Variants in CFAP47 observed in about 807,000 individuals in gnomAD.
CFAP47 encodes the protein cilia- and flagella-associated protein 47.
CFAP47 carries 29 observed loss-of-function variants against 148.1 expected under a neutral mutation model. The observed-to-expected ratio is 0.20, with a 90% CI of 0.15 to 0.27. CFAP47 has a LOEUF of 0.27. Ranked by LOEUF, CFAP47 falls within the 10% of genes least tolerant of loss-of-function variation. The probability of loss-of-function intolerance (pLI) is 1.00; values close to 1 mark genes in which losing one functional copy is unlikely to be tolerated. For synonymous variants in CFAP47, 664 were observed against 577.3 expected (o/e 1.15, Z -2.15); for missense variants, 1,872 against 1,697.5 (o/e 1.10, Z -1.81).
rs1940636741 is a variant in CFAP47, at chrX:36,247,877, A to G, written c.7333-3456A>G. Among the ~76,000 whole-genome samples the G allele has an allele frequency of 2.7e-5, 3 of 111,132 alleles. No homozygotes were observed. In the South Asian group the frequency reaches 1.1e-3, roughly 41 times the overall value. On this transcript the variant is annotated intron_variant, in intron 48 of 63. Coordinates refer to ENST00000378653, the MANE Select transcript of CFAP47 (RefSeq NM_001304548.2). ...AATTGGAAGAATGTATTTTTAAAGA[A>G]AAGTTCAACTTTAGGCTGCTTATAT...
chrX:36,351,290 A>T (rs1941741077), intron 59 of CFAP47, among the ~76,000 whole-genome samples: 1 of 112,121 alleles, frequency 8.9e-6, no homozygotes, highest in Non-Finnish European at 1.9e-5. Flanking sequence ...ACACATAGAT[A>T]AATATTTTAA....
chrX:35,992,538 A>G (rs1036462180), intron 17 of CFAP47, among the ~76,000 whole-genome samples: 1 of 111,436 alleles, frequency 9.0e-6, no homozygotes, highest in African/African-American at 3.3e-5. Context: ...AAAAATGAGG[A>G]TGATCTTTTC....
At chrX:36,085,185 G>A (rs926389225) in intron 29 of CFAP47, 129 bp from the exon 30 acceptor site, 34 of 433,520 alleles carry the variant, frequency 7.8e-5, no homozygotes, top group African/African-American at 6.5e-4. Context: ...CTAGTGAAGT[G>A]TATTATGGAG....
chrX:36,236,821 A>C lies in CFAP47; in HGVS notation c.7294A>C (p.Thr2432Pro), dbSNP rs1555994772. 4.1e-6 allele frequency: 2 copies of C among 492,575 alleles called. No homozygotes were observed. Among genetic ancestry groups the C allele is most frequent in the Admixed American group, 3.1e-5 (1 of 32,483 alleles). The allele number at this position is 492,575 out of a possible 1,213,427, so 40.6% of individuals were successfully genotyped here. A position where few individuals can be genotyped will look rare whatever the true frequency, so the allele number is the denominator to read the frequency against. Residue 2432 changes from threonine (T) to proline (P), a missense_variant, in exon 48 of 64, where the codon ACA (threonine) becomes CCA (proline). Transcript: ENST00000378653. The part of the protein sequence containing the change: ...QVGNVTQKHI[T>P]LPHFTNTALT... ...GGGGAATGTGACACAAAAGCATATA[A>C]CATTGCCTCATTTCACAAATACTGC...
chrX:36,219,479 G>T (rs782111171), intron 45 of CFAP47, among the ~76,000 whole-genome samples: 8 of 111,202 alleles, frequency 7.2e-5, no homozygotes, highest in South Asian at 7.7e-4. Flanking sequence ...ACTTGCCTAA[G>T]TGGTTGGGGT....
At chrX:36,044,902 G>A (rs1937447070) in intron 25 of CFAP47, among the ~76,000 whole-genome samples, 1 of 112,109 alleles carries the variant, frequency 8.9e-6, no homozygotes, top group South Asian at 3.7e-4. Flanking sequence ...TTGGCATGTA[G>A]AAATGCTACT....
chrX:35,924,254 G>GACATGTATGTGT (rs765496066), intron 1 of CFAP47, among the ~76,000 whole-genome samples: 3 of 78,254 alleles, frequency 3.8e-5, no homozygotes, highest in Non-Finnish European at 6.5e-5. Flanking sequence ...TGTGCATATG[G>GACATGTATGTGT]ACATGTATGT....
rs966909468 is a variant in CFAP47 at position 36,138,712 on chromosome X, AC to A, written c.5535+252del. The stretch of plus-strand genomic sequence containing the variant: ...AGTACTTCCAGTCCAAGTGCCTGAA[AC>A]CCCAAAAATAAACATTGAGTGAATT... On this transcript the variant is annotated intron_variant, in intron 35 of 63. Transcript: ENST00000378653. Among the ~76,000 whole-genome samples, 4 of 111,059 alleles carry A rather than the reference AC, an allele frequency of 3.6e-5. No homozygotes were observed. The Admixed American group carries it at 3.9e-4, about 11-fold the overall frequency.
chrX:35,959,739 G>A (rs762666844), intron 8 of CFAP47, among the ~76,000 whole-genome samples: 21 of 108,474 alleles, frequency 1.9e-4, no homozygotes, highest in Non-Finnish European at 3.3e-4. Flanking sequence ...CCCAGGAGGC[G>A]GAGGTTGCGC....
intron 45 of CFAP47, among the ~76,000 whole-genome samples, chrX:36,216,597 A>C (rs1299119025): frequency 2.7e-5 from 3 of 112,108 alleles, no homozygotes; most frequent in African/African-American, 9.7e-5. Flanking sequence ...GGGAGACTCG[A>C]GTTTTATTAT....
In CFAP47 at chrX:36,338,035, ATTTTTTTTTTTTTT is replaced by A. The variant is rs1209274928; in HGVS notation, c.8444-10082_8444-10069del. Among the ~76,000 whole-genome samples the A allele has an allele frequency of 3.0e-4, 14 of 46,569 alleles. No homozygotes were observed. In the South Asian group the frequency reaches 0.014, roughly 46 times the overall value. 40.4% of individuals were successfully genotyped at this position (46,569 alleles called of 115,157 possible). ...CAGGCGCCCGCCACTACGCCTGGCT[ATTTTTTTTTTTTTT>A]TTTTTTTTTTTGTATTTCTAGTAGA... is the stretch of plus-strand genomic sequence containing the variant. On this transcript the variant is annotated intron_variant, in intron 57 of 63. Transcript: ENST00000378653.
intron 33 of CFAP47, among the ~76,000 whole-genome samples, chrX:36,127,733 T>A (rs190008218): frequency 1.7e-4 from 19 of 111,602 alleles, no homozygotes; most frequent in African/African-American, 5.5e-4. Flanking sequence ...AAGCATGGAA[T>A]GTTTTTCCAT....
At chrX:36,128,271 GTTA>G (rs1938881322) in intron 33 of CFAP47, among the ~76,000 whole-genome samples, 1 of 110,786 alleles carries the variant, frequency 9.0e-6, no homozygotes, top group Non-Finnish European at 1.9e-5. Flanking sequence ...AAATTTGGGG[GTTA>G]TTATTTTTCT....
At chrX:36,332,986 T>TA (rs1941576631) in intron 57 of CFAP47, among the ~76,000 whole-genome samples, 1 of 111,991 alleles carries the variant, frequency 8.9e-6, no homozygotes, top group South Asian at 3.7e-4. Context: ...CAGCAATCTT[T>TA]ATATGTAATG....
intron 49 of CFAP47, among the ~76,000 whole-genome samples, chrX:36,263,420 G>A (rs1273366815): frequency 1.8e-5 from 2 of 111,788 alleles, no homozygotes; most frequent in African/African-American, 6.5e-5. Context: ...TCTTGAAGGT[G>A]GATAGTCATA....
chrX:36,290,354 AGATAC>A (rs1361072085), intron 51 of CFAP47, among the ~76,000 whole-genome samples: 1 of 112,469 alleles, frequency 8.9e-6, no homozygotes, highest in Non-Finnish European at 1.9e-5. Context: ...TGTTCTGGTT[AGATAC>A]GATGTTAACC....
intron 8 of CFAP47, among the ~76,000 whole-genome samples, chrX:35,960,380 G>GGAAAAAAAAAAAAA (rs1227681980): frequency 2.6e-4 from 4 of 15,489 alleles, no homozygotes; most frequent in African/African-American, 1.0e-3. Flanking sequence ...GCTAATTTCT[G>GGAAAAAAAAAAAAA]AAAAAAAAAA....
Position 36,279,314 on chromosome X carries a change from A to G in CFAP47, c.7445-1173A>G, listed in dbSNP as rs189833330. On this transcript the variant is annotated intron_variant, in intron 49 of 63. Transcript: ENST00000378653. ...GATTTTACTTCAAGCTCTCTCTCTA[A>G]GGAGACCACACTCCAAAAAAATAGA... Among the ~76,000 whole-genome samples, 302 of 112,018 alleles carry G rather than the reference A, an allele frequency of 2.7e-3. 1 individual carries two copies. Among genetic ancestry groups the G allele is most frequent in the African/African-American group, 9.0e-3 (277 of 30,858 alleles).
chrX:36,094,446 A>G (rs1030692505), intron 30 of CFAP47, among the ~76,000 whole-genome samples: 2 of 111,475 alleles, frequency 1.8e-5, no homozygotes, highest in Admixed American at 9.5e-5. Context: ...CATTGAATCT[A>G]TAAATTGCTT....
Sources: gnomAD v4.1 joint callset for allele counts (sites outside exome capture counted in the v4.1 genomes callset) on GRCh38, gnomAD v4.1.1 for gene constraint, MANE v1.5 for transcripts, NCBI Gene and HGNC (gene_info 2026-07-23, HGNC 2026-07-21) for gene names.